The following COL24A1 variants were observed in gnomAD, a reference collection of about 807,000 sequenced individuals.
The protein encoded by COL24A1 is collagen alpha-1(XXIV) chain.
In COL24A1, 224 loss-of-function variants were observed where a neutral mutation model predicts 253.9. That is an observed-to-expected ratio of 0.88 (90% CI 0.79 to 0.99). The LOEUF (loss-of-function observed/expected upper bound fraction) is 0.99. Ranked by LOEUF, COL24A1 falls within the 50% of genes least tolerant of loss-of-function variation. The probability of loss-of-function intolerance (pLI) is 0.00; values close to 1 mark genes in which losing one functional copy is unlikely to be tolerated. For missense variants in COL24A1, 2,131 were observed against 2,068.5 expected, an observed-to-expected ratio of 1.03 and a Z score of -0.59; for synonymous variants, 685 against 673.7, an observed-to-expected ratio of 1.02 and a Z score of -0.26.
chr1:85,792,576 T>A (rs1333366483), intron 47 of COL24A1, among the ~76,000 whole-genome samples: 1 of 149,636 alleles, frequency 6.7e-6, no homozygotes, highest in Non-Finnish European at 1.5e-5. Context: ...CATGGTATTG[T>A]GAGCATCTGT....
At chr1:85,901,841 A>AG (rs1684338037) in intron 28 of COL24A1, among the ~76,000 whole-genome samples, 1 of 149,688 alleles carries the variant, frequency 6.7e-6, no homozygotes, top group East Asian at 1.9e-4. Flanking sequence ...AAAAAAAAAA[A>AG]AAAAAAAAGA....
chr1:85,733,789 A>G (rs1037117855), intron 59 of COL24A1, among the ~76,000 whole-genome samples: 3 of 151,514 alleles, frequency 2.0e-5, no homozygotes, highest in Non-Finnish European at 4.4e-5. Context: ...CATGTTGGCC[A>G]GGCTGGTCTC....
chr1:85,934,948 C>A (rs992580185), intron 24 of COL24A1, among the ~76,000 whole-genome samples: 4 of 151,056 alleles, frequency 2.6e-5, no homozygotes, highest in African/African-American at 7.3e-5. Context: ...ATCTAACACA[C>A]AATTAAAAAA....
At chr1:85,982,615 A>G (rs1693364766) in intron 20 of COL24A1, among the ~76,000 whole-genome samples, 2 of 150,934 alleles carry the variant, frequency 1.3e-5, no homozygotes, top group South Asian at 2.1e-4. Flanking sequence ...CAACTTCTCT[A>G]TTTTCTCAGA....
chr1:85,824,105 C>T (rs941877220), intron 43 of COL24A1, among the ~76,000 whole-genome samples: 11 of 152,052 alleles, frequency 7.2e-5, no homozygotes, highest in Admixed American at 2.0e-4. Flanking sequence ...ATAAGATTAT[C>T]CTGGATTATC....
intron 24 of COL24A1, among the ~76,000 whole-genome samples, chr1:85,952,915 C>T (rs1690069192): frequency 6.6e-6 from 1 of 151,956 alleles, no homozygotes; most frequent in African/African-American, 2.4e-5. Flanking sequence ...AAATCAGAAC[C>T]ACAATGATTT....
At chr1:86,052,081 G>A (rs910882973) in intron 10 of COL24A1, among the ~76,000 whole-genome samples, 1 of 152,044 alleles carries the variant, frequency 6.6e-6, no homozygotes, top group Non-Finnish European at 1.5e-5. Flanking sequence ...AAATAGGGGT[G>A]TGAGAGAAGA....
intron 12 of COL24A1, among the ~76,000 whole-genome samples, chr1:86,034,934 A>G (rs1442409879): frequency 1.3e-5 from 2 of 152,136 alleles, no homozygotes; most frequent in Non-Finnish European, 2.9e-5. Context: ...TACAAAAACT[A>G]GGAATAACAA....
chr1:85,896,413 G>C lies in COL24A1; in HGVS notation c.2779-4C>G. The C allele has an allele frequency of 6.2e-7, 1 of 1,610,734 alleles. No individual in the cohort carries two copies. Among genetic ancestry groups the C allele is most frequent in the Non-Finnish European group, 8.5e-7 (1 of 1,177,442 alleles). ...GACCATCTGGTCCTCTTGATCCCTA[G>C]AGGTGAAAAAAATATCCTGTTGTTA... On this transcript the variant is annotated splice_polypyrimidine_tract_variant and splice_region_variant and intron_variant, in intron 28 of 59. Transcript: ENST00000370571.
chr1:85,985,135 T>G (rs1693608201), intron 20 of COL24A1, among the ~76,000 whole-genome samples: 1 of 151,882 alleles, frequency 6.6e-6, no homozygotes, highest in South Asian at 2.1e-4. Flanking sequence ...AAGTGCTTGA[T>G]AGGTTTTTTT....
intron 24 of COL24A1, among the ~76,000 whole-genome samples, chr1:85,925,112 C>A (rs1330040616): frequency 1.3e-5 from 2 of 152,094 alleles, no homozygotes; most frequent in Admixed American, 6.6e-5. Flanking sequence ...ATCCAACTTA[C>A]AAGGGATGTG....
At chr1:85,795,164 T>C (rs1670677753) in intron 47 of COL24A1, among the ~76,000 whole-genome samples, 1 of 152,218 alleles carries the variant, frequency 6.6e-6, no homozygotes, top group Non-Finnish European at 1.5e-5. Flanking sequence ...CTTTTCACTT[T>C]GACTTCCCTC....
At chr1:86,084,753 T>A (rs1702933787) in intron 7 of COL24A1, among the ~76,000 whole-genome samples, 1 of 152,206 alleles carries the variant, frequency 6.6e-6, no homozygotes, top group Admixed American at 6.5e-5. Context: ...AGGGAAGTTT[T>A]CAAAGTCCCC....
chr1:85,831,501 T>G (rs1374227032), intron 43 of COL24A1, among the ~76,000 whole-genome samples: 1 of 152,048 alleles, frequency 6.6e-6, no homozygotes. Context: ...TACAATTACT[T>G]TGGTTTATCA....
At chr1:85,736,506 T>C (rs1664073106) in intron 58 of COL24A1, 1 of 456,048 alleles carries the variant, frequency 2.2e-6, no homozygotes, top group South Asian at 1.5e-5. Flanking sequence ...CATGATTCCC[T>C]AGGAATGGAA....
At chr1:85,770,654 C>A (rs1233490428) in intron 53 of COL24A1, among the ~76,000 whole-genome samples, 1 of 152,128 alleles carries the variant, frequency 6.6e-6, no homozygotes. Flanking sequence ...CATGTTAAAT[C>A]TATACAATAA....
At chr1:86,015,305 G>T (rs375061271) in intron 19 of COL24A1, among the ~76,000 whole-genome samples, 2 of 152,286 alleles carry the variant, frequency 1.3e-5, no homozygotes, top group South Asian at 4.2e-4. Flanking sequence ...GAAGAGGAAG[G>T]ATTGGTACTC....
chr1:85,856,361 A>G (rs887120513), intron 37 of COL24A1, among the ~76,000 whole-genome samples: 1 of 152,156 alleles, frequency 6.6e-6, no homozygotes, highest in African/African-American at 2.4e-5. Flanking sequence ...ACACTGCTTT[A>G]GCTGTATCCC....
intron 28 of COL24A1, among the ~76,000 whole-genome samples, chr1:85,901,915 C>T (rs1440174535): frequency 8.0e-5 from 12 of 149,588 alleles, no homozygotes; most frequent in African/African-American, 1.5e-4. Flanking sequence ...AATCACATAT[C>T]GAAGGGACTT....
Sources: gnomAD v4.1 joint callset for allele counts (sites outside exome capture counted in the v4.1 genomes callset) on GRCh38, gnomAD v4.1.1 for gene constraint, MANE v1.5 for transcripts, NCBI Gene and HGNC (gene_info 2026-07-23, HGNC 2026-07-21) for gene names.